PSMG2: variants seen among roughly 807,000 people sequenced by gnomAD.
The protein encoded by PSMG2 is CD40 ligand-activated specific transcript 3.
A neutral mutation model predicts 31.5 loss-of-function variants in PSMG2; 21 were observed. That is an observed-to-expected ratio of 0.67 (90% CI 0.47 to 0.96). PSMG2 has a LOEUF of 0.96. Ranked by LOEUF, PSMG2 falls within the 40% of genes least tolerant of loss-of-function variation. The pLI is 0.00. For missense variants in PSMG2, 318 were observed against 321.2 expected (o/e 0.99, Z 0.08); for synonymous variants, 120 against 110.4 (o/e 1.09, Z -0.54).
intron 1 of PSMG2, among the ~76,000 whole-genome samples, chr18:12,668,734 C>CTTTT (rs543253434): frequency 3.6e-4 from 35 of 96,734 alleles, no homozygotes; most frequent in African/African-American, 5.5e-4. Flanking sequence ...CACTTTATTC[C>CTTTT]TTTTTTTTTT....
intron 1 of PSMG2, among the ~76,000 whole-genome samples, chr18:12,666,001 A>C (rs1181392223): frequency 6.6e-6 from 1 of 151,544 alleles, no homozygotes; most frequent in Non-Finnish European, 1.5e-5. Context: ...GGCCCAACAC[A>C]ATTATTTTAA....
At chr18:12,690,677 G>C (rs1177142745) in intron 1 of PSMG2, among the ~76,000 whole-genome samples, 2 of 151,850 alleles carry the variant, frequency 1.3e-5, no homozygotes, top group South Asian at 2.1e-4. Context: ...GGATGGTCTC[G>C]ATCTCCTGAC....
At chr18:12,711,840 GC>G (rs1280910754) in intron 2 of PSMG2, among the ~76,000 whole-genome samples, 1 of 138,972 alleles carries the variant, frequency 7.2e-6, no homozygotes, top group African/African-American at 2.7e-5. Context: ...TGCAAGCTCC[GC>G]CCCCCGGGTT....
intron 1 of PSMG2, among the ~76,000 whole-genome samples, chr18:12,696,671 C>T (rs1317984392): frequency 2.0e-5 from 3 of 152,004 alleles, no homozygotes; most frequent in Non-Finnish European, 2.9e-5. Flanking sequence ...TGTTACATAG[C>T]GGGCAGTGTG....
At chr18:12,695,055 C>T (rs1321426653) in intron 1 of PSMG2, among the ~76,000 whole-genome samples, 1 of 152,134 alleles carries the variant, frequency 6.6e-6, no homozygotes, top group Non-Finnish European at 1.5e-5. Context: ...ATCGTATTTC[C>T]TAAACTAGAC....
intron 1 of PSMG2, among the ~76,000 whole-genome samples, chr18:12,695,937 C>T (rs1479149275): frequency 5.9e-5 from 9 of 152,024 alleles, no homozygotes; most frequent in Non-Finnish European, 1.3e-4. Flanking sequence ...CCATTTGTCA[C>T]TCCCCATTAT....
chr18:12,665,419 T>TC (rs1316387032), intron 1 of PSMG2, among the ~76,000 whole-genome samples: 1 of 152,102 alleles, frequency 6.6e-6, no homozygotes, highest in Admixed American at 6.5e-5. Flanking sequence ...CCTTAGGATT[T>TC]CCCCTGAACA....
intron 1 of PSMG2, chr18:12,661,289 CAA>C (rs766369902): frequency 3.7e-4 from 293 of 783,392 alleles, no homozygotes; most frequent in Admixed American, 5.0e-4. Flanking sequence ...GCCTGGGTGA[CAA>C]GAGTGAGCCT....
intron 1 of PSMG2, chr18:12,674,852 G>T (rs2847269): frequency 0.035 from 21,248 of 613,668 alleles, 497 homozygotes; most frequent in Admixed American, 0.08. Context: ...ACCAAGAAAA[G>T]ATTTTTAAAA....
chr18:12,674,808 C>A, intron 1 of PSMG2: 1 of 1,119,292 alleles, frequency 8.9e-7, no homozygotes, highest in Non-Finnish European at 1.3e-6. Context: ...TTTTTAAAAC[C>A]AACTAAATAA....
At chr18:12,670,807 CCTG>C (rs2038923389) in intron 1 of PSMG2, 1 of 151,932 alleles carries the variant, frequency 6.6e-6, no homozygotes. Flanking sequence ...ACGATCACGC[CCTG>C]CTAATTTTTT....
At chr18:12,700,690 C>A (rs2542174), upstream of PSMG2, among the ~76,000 whole-genome samples, 24,624 of 151,962 alleles carry the variant, frequency 0.16, 2,084 homozygotes, top group Admixed American at 0.24. Flanking sequence ...TATGTATATT[C>A]AAATTTACAG....
intron 1 of PSMG2, chr18:12,678,228 G>A (rs200920017): frequency 6.2e-7 from 1 of 1,614,128 alleles, no homozygotes; most frequent in Admixed American, 1.7e-5. Context: ...GTAGCTCCAG[G>A]AGCACACACA....
At chr18:12,695,948 C>G (rs1045458309) in intron 1 of PSMG2, among the ~76,000 whole-genome samples, 6 of 151,808 alleles carry the variant, frequency 4.0e-5, no homozygotes, top group African/African-American at 1.5e-4. Flanking sequence ...TCCCCATTAT[C>G]CAATTACAGG....
At chr18:12,711,911 G>A (rs759433189) in intron 2 of PSMG2, among the ~76,000 whole-genome samples, 87 of 152,140 alleles carry the variant, frequency 5.7e-4, no homozygotes, top group Admixed American at 4.1e-3. Flanking sequence ...CCGCCGCCAA[G>A]CCTGGCTAAT....
intron 2 of PSMG2, among the ~76,000 whole-genome samples, chr18:12,709,541 C>T (rs1226334946): frequency 6.6e-6 from 1 of 151,716 alleles, no homozygotes; most frequent in East Asian, 1.9e-4. Flanking sequence ...TCTTGTTGCC[C>T]AGGCTGTAGT....
At chr18:12,669,397 C>A (rs2038883222) in intron 1 of PSMG2, among the ~76,000 whole-genome samples, 1 of 152,008 alleles carries the variant, frequency 6.6e-6, no homozygotes, top group Admixed American at 6.6e-5. Context: ...CAGGCATGAG[C>A]CACCGCGCCT....
intron 1 of PSMG2, among the ~76,000 whole-genome samples, chr18:12,682,023 A>G (rs1228948246): frequency 6.6e-6 from 1 of 152,116 alleles, no homozygotes; most frequent in African/African-American, 2.4e-5. Flanking sequence ...AAAGAAAAGA[A>G]AATATCTGAT....
intron 1 of PSMG2, among the ~76,000 whole-genome samples, chr18:12,703,832 G>A (rs994371213): frequency 4.6e-5 from 7 of 152,182 alleles, no homozygotes; most frequent in African/African-American, 1.7e-4. Context: ...AAGATGGAGG[G>A]CCCGTGGGCT....
Sources: allele counts gnomAD v4.1 joint callset (sites outside exome capture counted in the v4.1 genomes callset), GRCh38; gene constraint gnomAD v4.1.1; transcripts MANE v1.5; gene names NCBI Gene and HGNC (gene_info 2026-07-23, HGNC 2026-07-21).